Variants in RGS20 observed in about 807,000 individuals in gnomAD.
The protein encoded by RGS20 is regulator of G protein signaling 20.
Under a neutral mutation model 33.6 loss-of-function variants are expected in RGS20, and 30 were observed. That is an observed-to-expected ratio of 0.89 (90% confidence interval 0.67 to 1.21). The LOEUF is 1.21. Among genes scored for constraint, RGS20 ranks in the 50% most tolerant of loss-of-function variants. The probability of loss-of-function intolerance (pLI) is 0.00; values close to 1 mark genes in which losing one functional copy is unlikely to be tolerated. For synonymous variants in RGS20, 208 were observed against 197.9 expected (o/e 1.05, Z -0.43); for missense variants, 472 against 502.4 (o/e 0.94, Z 0.58).
At chr8:53,880,971 G>T (rs1812352061) in intron 2 of RGS20, 3 of 1,585,168 alleles carry the variant, frequency 1.9e-6, no homozygotes, top group South Asian at 2.3e-5. Context: ...ACGTAGAGAG[G>T]GCAGCCCTCC....
chr8:53,939,984 C>G (rs1372571234), intron 3 of RGS20, among the ~76,000 whole-genome samples: 3 of 152,108 alleles, frequency 2.0e-5, no homozygotes, highest in Admixed American at 2.0e-4. Flanking sequence ...CAACCTCAGG[C>G]GGTTCACGAT....
chr8:53,953,350 A>G (rs914104703), intron 4 of RGS20, among the ~76,000 whole-genome samples: 6 of 152,002 alleles, frequency 3.9e-5, no homozygotes, highest in African/African-American at 1.4e-4. Flanking sequence ...GTAAGACCTG[A>G]CTCTACAAAG....
chr8:53,899,084 G>T (rs1317695059), intron 2 of RGS20, among the ~76,000 whole-genome samples: 1 of 152,188 alleles, frequency 6.6e-6, no homozygotes, highest in Non-Finnish European at 1.5e-5. Context: ...CAGAAGTCAG[G>T]CAGCTGGCCC....
intron 1 of RGS20, among the ~76,000 whole-genome samples, chr8:53,861,014 A>G (rs532197871): frequency 6.6e-6 from 1 of 152,180 alleles, no homozygotes; most frequent in Non-Finnish European, 1.5e-5. Flanking sequence ...TTAGGTTGTA[A>G]GACAATCTTA....
intron 2 of RGS20, among the ~76,000 whole-genome samples, chr8:53,902,214 G>T (rs1359516462): frequency 6.6e-6 from 1 of 152,038 alleles, no homozygotes; most frequent in Non-Finnish European, 1.5e-5. Context: ...ACAGGGTTTT[G>T]CCATGTTGCC....
At chr8:53,957,579 C>T (rs1025311046) in intron 5 of RGS20, among the ~76,000 whole-genome samples, 1 of 152,222 alleles carries the variant, frequency 6.6e-6, no homozygotes, top group African/African-American at 2.4e-5. Context: ...TCAGCCCCCA[C>T]GTTACAAGGA....
chr8:53,854,926 C>A (rs953770631), intron 1 of RGS20, among the ~76,000 whole-genome samples: 1 of 152,148 alleles, frequency 6.6e-6, no homozygotes, highest in Non-Finnish European at 1.5e-5. Flanking sequence ...ACTATGGAAT[C>A]CTATGAAGCC....
intron 1 of RGS20, among the ~76,000 whole-genome samples, chr8:53,873,700 A>G (rs1812128916): frequency 6.6e-6 from 1 of 152,264 alleles, no homozygotes; most frequent in South Asian, 2.1e-4. Context: ...TGAAAGAGAC[A>G]AAATTATTGC....
chr8:53,860,152 A>G (rs773194729), intron 1 of RGS20, among the ~76,000 whole-genome samples: 42 of 152,264 alleles, frequency 2.8e-4, no homozygotes, highest in Non-Finnish European at 4.6e-4. Context: ...TGACTGAAAA[A>G]TGAAATTTTA....
chr8:53,912,896 CAGTA>C (rs1341599901), intron 2 of RGS20, among the ~76,000 whole-genome samples: 2 of 151,932 alleles, frequency 1.3e-5, no homozygotes, highest in African/African-American at 4.8e-5. Flanking sequence ...TAAAAGTAGT[CAGTA>C]AGTTTTTTTA....
At chr8:53,927,994 G>C (rs183914110) in intron 2 of RGS20, among the ~76,000 whole-genome samples, 120 of 152,262 alleles carry the variant, frequency 7.9e-4, no homozygotes, top group African/African-American at 2.7e-3. Flanking sequence ...TAAGGTAAGG[G>C]TGACTCAACA....
intron 2 of RGS20, among the ~76,000 whole-genome samples, chr8:53,927,658 C>T (rs547494211): frequency 6.6e-6 from 1 of 152,244 alleles, no homozygotes; most frequent in African/African-American, 2.4e-5. Flanking sequence ...TCCCAAAGGA[C>T]AGTAAAATGA....
chr8:53,939,609 C>A lies in RGS20; in HGVS notation c.544C>A (p.Arg182=). 2.5e-6 allele frequency: 4 copies of A among 1,603,906 alleles called. No homozygotes were observed. Among genetic ancestry groups the A allele is most frequent in the Non-Finnish European group, 3.4e-6 (4 of 1,175,882 alleles). ...ATCAGAGCGGATGGAGATGCGGAAG[C>A]GGCAGATGCCCGCCGCCCAGGACAC... The change falls in exon 3 of 6, where the codon CGG becomes AGG. Residue 182 remains arginine, a synonymous_variant. Transcript: ENST00000297313.
intron 1 of RGS20, among the ~76,000 whole-genome samples, chr8:53,878,012 CGG>C (rs1445383902): frequency 6.6e-6 from 1 of 152,228 alleles, no homozygotes; most frequent in East Asian, 1.9e-4. Flanking sequence ...CCCTGGAGAG[CGG>C]CCGCCGCGCC....
At chr8:53,881,400 G>T (rs1277488661) in intron 2 of RGS20, among the ~76,000 whole-genome samples, 2 of 152,134 alleles carry the variant, frequency 1.3e-5, no homozygotes, top group Admixed American at 1.3e-4. Context: ...GAACGCGGGA[G>T]TCTAGTCTTT....
chr8:53,931,445 C>T (rs1417396605), intron 2 of RGS20, among the ~76,000 whole-genome samples: 1 of 152,140 alleles, frequency 6.6e-6, no homozygotes, highest in Non-Finnish European at 1.5e-5. Context: ...ATCCCAGCTA[C>T]TCAGGAGGCT....
intron 2 of RGS20, among the ~76,000 whole-genome samples, chr8:53,899,800 G>A (rs1812962568): frequency 6.6e-6 from 1 of 152,180 alleles, no homozygotes; most frequent in African/African-American, 2.4e-5. Context: ...CAGTTCAGAA[G>A]ACAAAACCAA....
rs1814938240 is a variant in RGS20, at chr8:53,958,404, T to C, written c.1113T>C (p.Ser371=). 6.2e-7 allele frequency: 1 copy of C among 1,613,124 alleles called. No individual in the cohort carries two copies. Among genetic ancestry groups the C allele is most frequent in the African/African-American group, 1.3e-5 (1 of 74,984 alleles). Residue 371 remains serine (S), a synonymous_variant, in exon 6 of 6, where the codon TCT becomes TCC. Coordinates refer to ENST00000297313, the MANE Select transcript of RGS20 (RefSeq NM_170587.4). ...ACTCATATCCTCGATTCATGAACTC[T>C]GCTGTCTATAAGGACTTGCTTCAGT... is the stretch of plus-strand genomic sequence containing the variant.
chr8:53,899,033 A>T (rs1048122569), intron 2 of RGS20, among the ~76,000 whole-genome samples: 2 of 152,166 alleles, frequency 1.3e-5, no homozygotes, highest in Non-Finnish European at 2.9e-5. Context: ...GCTGTTAGGA[A>T]CTTTATGTTC....
Sources: gnomAD v4.1 joint callset for allele counts (sites outside exome capture counted in the v4.1 genomes callset) on GRCh38, gnomAD v4.1.1 for gene constraint, MANE v1.5 for transcripts, NCBI Gene and HGNC (gene_info 2026-07-23, HGNC 2026-07-21) for gene names.